Variants in ZBBX observed in about 807,000 individuals in gnomAD.
ZBBX encodes zinc finger B-box domain containing.
ZBBX carries 101 observed loss-of-function variants against 108.5 expected under a neutral mutation model. The ratio of observed to expected loss-of-function variants is 0.93; its 90% CI spans 0.79 to 1.10. The LOEUF (loss-of-function observed/expected upper bound fraction) is 1.10, where lower values mean the gene tolerates loss of function less well. Among genes scored for constraint, ZBBX ranks in the 50% least tolerant of loss-of-function variants. The pLI, the probability that ZBBX is intolerant of heterozygous loss-of-function variation, is 0.00. For missense variants in ZBBX, 1,009 were observed against 941.4 expected (o/e 1.07, Z -0.94); for synonymous variants, 356 against 323.4 (o/e 1.10, Z -1.08).
At chr3:167,400,648 C>T (rs1306603251) in intron 1 of ZBBX, among the ~76,000 whole-genome samples, 1 of 151,956 alleles carries the variant, frequency 6.6e-6, no homozygotes, top group African/African-American at 2.4e-5. Flanking sequence ...GTTTATTTTG[C>T]CAAGGTTGAG....
chr3:167,209,146 A>C, the ZBBX span, among the ~76,000 whole-genome samples: 1 of 148,424 alleles, frequency 6.7e-6, no homozygotes, highest in Non-Finnish European at 1.5e-5. Flanking sequence ...CAGCCTTAGA[A>C]GAATAGAGCA....
At chr3:167,258,399 T>A (rs939193330) in intron 20 of ZBBX, among the ~76,000 whole-genome samples, 1 of 152,164 alleles carries the variant, frequency 6.6e-6, no homozygotes, top group South Asian at 2.1e-4. Flanking sequence ...TCTAGTTTTA[T>A]TCTCCAACAT....
At chr3:167,210,742 A>G in the ZBBX span, among the ~76,000 whole-genome samples, 405 of 152,308 alleles carry the variant, frequency 2.7e-3, 3 homozygotes, top group Admixed American at 4.3e-3. Flanking sequence ...GGAGAGAATG[A>G]AATGACATAT....
intron 16 of ZBBX, among the ~76,000 whole-genome samples, chr3:167,306,303 A>C (rs963872026): frequency 3.9e-5 from 6 of 152,180 alleles, no homozygotes; most frequent in African/African-American, 1.4e-4. Context: ...AATTCATGAG[A>C]AGTAACACAG....
At chr3:167,249,373 A>C (rs1722169954) in intron 20 of ZBBX, among the ~76,000 whole-genome samples, 1 of 152,166 alleles carries the variant, frequency 6.6e-6, no homozygotes, top group African/African-American at 2.4e-5. Flanking sequence ...GCAAGGGGCA[A>C]GCTCAAGCAA....
At chr3:167,215,894 G>A in the ZBBX span, among the ~76,000 whole-genome samples, 1 of 152,056 alleles carries the variant, frequency 6.6e-6, no homozygotes, top group Admixed American at 6.6e-5. Flanking sequence ...GATTATATCA[G>A]TACATGCAGA....
At chr3:167,277,301 G>A (rs1268765294) in intron 20 of ZBBX, among the ~76,000 whole-genome samples, 1 of 152,110 alleles carries the variant, frequency 6.6e-6, no homozygotes, top group Non-Finnish European at 1.5e-5. Flanking sequence ...CACACAGACT[G>A]GCAAATTGGA....
intron 1 of ZBBX, among the ~76,000 whole-genome samples, chr3:167,387,861 T>G (rs1442521686): frequency 1.3e-5 from 2 of 152,004 alleles, no homozygotes; most frequent in East Asian, 3.9e-4. Flanking sequence ...CGTGTATTTA[T>G]GGATGACCCT....
At chr3:167,403,546 C>A (rs1284099691) in intron 1 of ZBBX, among the ~76,000 whole-genome samples, 1 of 151,850 alleles carries the variant, frequency 6.6e-6, no homozygotes, top group Non-Finnish European at 1.5e-5. Flanking sequence ...ATTTTTTCTC[C>A]TAATTTGTTT....
At chr3:167,361,965 A>C (rs1322382563) in intron 6 of ZBBX, among the ~76,000 whole-genome samples, 1 of 152,124 alleles carries the variant, frequency 6.6e-6, no homozygotes, top group African/African-American at 2.4e-5. Context: ...CTATGAATAC[A>C]GCCATATTTA....
chr3:167,314,137 C>T, intron 15 of ZBBX, 21 bp from the exon 16 acceptor site: 2 of 1,549,736 alleles, frequency 1.3e-6, no homozygotes, highest in Non-Finnish European at 1.7e-6. Context: ...TAGGAACAAA[C>T]AAAATAATAG....
At chr3:167,302,119 T>C (rs1246144602) in intron 17 of ZBBX, among the ~76,000 whole-genome samples, 1 of 152,212 alleles carries the variant, frequency 6.6e-6, no homozygotes, top group Non-Finnish European at 1.5e-5. Context: ...TTTATTTTTG[T>C]AATGTGTTGT....
rs185794005 is a variant in ZBBX, at chr3:167,315,974, T to C, written c.1195-145A>G. On this transcript the variant is annotated intron_variant, in intron 14 of 21. Coordinates refer to ENST00000675490, the MANE Select transcript of ZBBX (RefSeq NM_001199201.2). Reference sequence around the variant, plus strand: ...CTAATTATATTTTATAACACATAAGTTCTAGGAGAACTAAACAAATTCAAC... The same window carrying C: ...CTAATTATATTTTATAACACATAAGCTCTAGGAGAACTAAACAAATTCAAC... 187 of 524,998 alleles carry C rather than the reference T, an allele frequency of 3.6e-4. No individual in the cohort carries two copies. The Middle Eastern group carries it at 6.2e-3, about 17-fold the overall frequency. 32.5% of individuals were successfully genotyped at this position (524,998 alleles called of 1,614,324 possible). A position where few individuals can be genotyped will look rare whatever the true frequency, so the allele number is the denominator to read the frequency against.
chr3:167,302,885 T>C (rs952823141), intron 17 of ZBBX, among the ~76,000 whole-genome samples: 3 of 152,228 alleles, frequency 2.0e-5, no homozygotes, highest in Non-Finnish European at 2.9e-5. Context: ...CCAATTATTT[T>C]ATACTGGGCA....
the ZBBX span, among the ~76,000 whole-genome samples, chr3:167,194,735 T>C: frequency 2.0e-5 from 3 of 152,168 alleles, no homozygotes; most frequent in Non-Finnish European, 4.4e-5. Context: ...AACTGCTGGC[T>C]TGGGCTCCTC....
At chr3:167,184,549 T>C in the ZBBX span, among the ~76,000 whole-genome samples, 2 of 152,132 alleles carry the variant, frequency 1.3e-5, no homozygotes, top group East Asian at 3.9e-4. Context: ...TAAAAACCTA[T>C]ATATAATGGA....
chr3:167,348,295 G>GGAAGGAAGGAAGGA (rs1560162727), intron 9 of ZBBX, among the ~76,000 whole-genome samples: 1 of 102,640 alleles, frequency 9.7e-6, no homozygotes, highest in African/African-American at 3.8e-5. Context: ...AGGAAGGAAA[G>GGAAGGAAGGAAGGA]AAGAAAGAGA....
the ZBBX span, among the ~76,000 whole-genome samples, chr3:167,214,979 T>C: frequency 4.0e-4 from 61 of 152,050 alleles, 1 homozygote; most frequent in South Asian, 0.011. Context: ...TGGGACACAG[T>C]TGAGACAGTG....
the ZBBX span, among the ~76,000 whole-genome samples, chr3:167,220,748 GAAAT>G: frequency 6.6e-6 from 1 of 151,888 alleles, no homozygotes; most frequent in East Asian, 1.9e-4. Flanking sequence ...AAAAGAGAAA[GAAAT>G]AAAGGGCATT....
Sources: gnomAD v4.1 joint callset for allele counts (sites outside exome capture counted in the v4.1 genomes callset) on GRCh38, gnomAD v4.1.1 for gene constraint, MANE v1.5 for transcripts, NCBI Gene and HGNC (gene_info 2026-07-23, HGNC 2026-07-21) for gene names.